Variants in TXNRD1 observed in about 807,000 individuals in gnomAD.
The protein encoded by TXNRD1 is thioredoxin reductase 1.
A neutral mutation model predicts 80.3 loss-of-function variants in TXNRD1; 57 were observed. That is an observed-to-expected ratio of 0.71 (90% CI 0.57 to 0.89). TXNRD1 has a LOEUF of 0.89. Among genes scored for constraint, TXNRD1 ranks in the 40% least tolerant of loss-of-function variants. The pLI is 0.00. For missense variants in TXNRD1, 730 were observed against 803.0 expected (o/e 0.91, Z 1.10); for synonymous variants, 291 against 285.2 (o/e 1.02, Z -0.20).
At chr12:104,221,311 T>TTTTAG (rs1251042793) in intron 1 of TXNRD1, among the ~76,000 whole-genome samples, 1 of 147,602 alleles carries the variant, frequency 6.8e-6, no homozygotes, top group Non-Finnish European at 1.5e-5. Context: ...TTGTTTGGAT[T>TTTTAG]TTTATTTTAT....
Position 104,327,842 on chromosome 12 carries a change from G to A in TXNRD1, c.1542+171G>A, listed in dbSNP as rs1406347133. ...TTCCAGACAAGATATTATTAAGGCT[G>A]CTGTACATTGTGACTTTATTATGAA... On this transcript the variant is annotated intron_variant, in intron 13 of 16. Coordinates refer to ENST00000525566, the MANE Select transcript of TXNRD1 (RefSeq NM_001093771.3). Among the ~76,000 whole-genome samples, 4 of 150,888 alleles carry A rather than the reference G, an allele frequency of 2.7e-5. No homozygotes were observed. The South Asian group carries it at 8.5e-4, about 32-fold the overall frequency.
At chr12:104,309,997 C>T (rs1306894503) in intron 4 of TXNRD1, 1 of 1,536,128 alleles carries the variant, frequency 6.5e-7, no homozygotes. Flanking sequence ...CCACCGCACC[C>T]CCTTCCACAT....
At chr12:104,280,181 C>G (rs2033847873) in intron 3 of TXNRD1, 1 of 150,980 alleles carries the variant, frequency 6.6e-6, no homozygotes, top group African/African-American at 2.4e-5. Context: ...CCTATACTTA[C>G]TCCCTCCATT....
intron 1 of TXNRD1, 134 bp from the exon 2 acceptor site, chr12:104,251,393 C>T: frequency 1.2e-6 from 1 of 845,782 alleles, no homozygotes; most frequent in Non-Finnish European, 1.9e-6. Flanking sequence ...CATTAGAGTC[C>T]TTCCTTCCTC....
chr12:104,266,170 ATTGTAG>A (rs1272171034), intron 3 of TXNRD1, among the ~76,000 whole-genome samples: 4 of 152,040 alleles, frequency 2.6e-5, no homozygotes, highest in African/African-American at 9.7e-5. Context: ...GACTATCTAA[ATTGTAG>A]TCACTGTGTT....
Position 104,319,565 on chromosome 12 carries a change from C to T in TXNRD1, c.969C>T (p.Asp323=). The change falls in exon 9 of 17, where the codon GAC becomes GAT. Residue 323 remains aspartate, a synonymous_variant. Coordinates refer to ENST00000525566, the MANE Select transcript of TXNRD1 (RefSeq NM_001093771.3). ...ERPRYLGIPG[D]KEYCISSDDL... Reference sequence around the variant, plus strand: ...CACGTTACTTGGGCATCCCTGGTGACAAAGAATACTGCATCAGCAGGTAAA... The same window carrying T: ...CACGTTACTTGGGCATCCCTGGTGATAAAGAATACTGCATCAGCAGGTAAA... 1 of 1,602,592 alleles carries T rather than the reference C, an allele frequency of 6.2e-7. No homozygotes were observed. Among genetic ancestry groups the T allele is most frequent in the Non-Finnish European group, 8.5e-7 (1 of 1,174,168 alleles).
At chr12:104,239,268 A>G (rs2032807614) in intron 1 of TXNRD1, among the ~76,000 whole-genome samples, 1 of 149,922 alleles carries the variant, frequency 6.7e-6, no homozygotes, top group African/African-American at 2.5e-5. Flanking sequence ...ATCTCGGCTC[A>G]CTGCAACCTC....
At chr12:104,249,431 T>C (rs1437404484) in intron 1 of TXNRD1, among the ~76,000 whole-genome samples, 1 of 152,202 alleles carries the variant, frequency 6.6e-6, no homozygotes, top group African/African-American at 2.4e-5. Context: ...ATTTCTATGT[T>C]CCTCTTCACT....
chr12:104,347,843 A>G (rs1041626347), intron 16 of TXNRD1, among the ~76,000 whole-genome samples: 2 of 152,244 alleles, frequency 1.3e-5, no homozygotes, highest in African/African-American at 2.4e-5. Flanking sequence ...TGGGATACAA[A>G]AAAGCAGGGT....
chr12:104,264,022 G>A (rs2033422873), intron 3 of TXNRD1, among the ~76,000 whole-genome samples: 2 of 152,092 alleles, frequency 1.3e-5, no homozygotes, highest in African/African-American at 4.8e-5. Flanking sequence ...CTTTGGCATT[G>A]TTTTCCTTGA....
chr12:104,297,351 AATTTAT>A (rs1041089106), intron 4 of TXNRD1, among the ~76,000 whole-genome samples: 4 of 151,638 alleles, frequency 2.6e-5, no homozygotes, highest in African/African-American at 9.7e-5. Flanking sequence ...TTGACAAATA[AATTTAT>A]ATTTATTTAT....
chr12:104,290,282 C>G (rs866593785), intron 4 of TXNRD1, among the ~76,000 whole-genome samples: 1 of 152,110 alleles, frequency 6.6e-6, no homozygotes, highest in Non-Finnish European at 1.5e-5. Context: ...AGACTTCAAA[C>G]AGCAAATTAA....
chr12:104,258,761 A>G (rs2033305157), intron 3 of TXNRD1, among the ~76,000 whole-genome samples: 1 of 152,168 alleles, frequency 6.6e-6, no homozygotes, highest in Non-Finnish European at 1.5e-5. Flanking sequence ...TTGTCTCTAC[A>G]AAAATAAAGA....
At chr12:104,265,822 C>T in intron 3 of TXNRD1, 1 of 1,479,136 alleles carries the variant, frequency 6.8e-7, no homozygotes, top group East Asian at 2.3e-5. Flanking sequence ...CACCAAGAGG[C>T]CCAACACCTT....
intron 1 of TXNRD1, among the ~76,000 whole-genome samples, chr12:104,246,556 C>T (rs2033001165): frequency 6.8e-6 from 1 of 147,214 alleles, no homozygotes; most frequent in Non-Finnish European, 1.5e-5. Flanking sequence ...TGCAGTCTCG[C>T]TCTGTCACCA....
intron 1 of TXNRD1, among the ~76,000 whole-genome samples, chr12:104,229,310 G>T (rs2032556798): frequency 6.6e-6 from 1 of 151,520 alleles, no homozygotes; most frequent in South Asian, 2.1e-4. Flanking sequence ...ACCATGTCTG[G>T]CTAATTTTTG....
intron 1 of TXNRD1, among the ~76,000 whole-genome samples, chr12:104,240,655 T>C (rs2032837489): frequency 6.6e-6 from 1 of 152,208 alleles, no homozygotes; most frequent in Non-Finnish European, 1.5e-5. Flanking sequence ...TCCTTTTATA[T>C]TTTAATGACT....
intron 2 of TXNRD1, among the ~76,000 whole-genome samples, chr12:104,254,644 A>AATATATATATATATATAT (rs1178469026): frequency 4.3e-5 from 4 of 93,628 alleles, no homozygotes; most frequent in African/African-American, 1.5e-4. Flanking sequence ...AAAAAAAAAA[A>AATATATATATATATATAT]ATATATATAT....
At chr12:104,271,866 T>C (rs2033658539) in intron 3 of TXNRD1, among the ~76,000 whole-genome samples, 1 of 130,278 alleles carries the variant, frequency 7.7e-6, no homozygotes, top group Non-Finnish European at 1.8e-5. Context: ...CGAGACTCCA[T>C]CTCAAAAAAA....
Sources: gnomAD v4.1 joint callset for allele counts (sites outside exome capture counted in the v4.1 genomes callset) on GRCh38, gnomAD v4.1.1 for gene constraint, MANE v1.5 for transcripts, NCBI Gene and HGNC (gene_info 2026-07-23, HGNC 2026-07-21) for gene names.